Variants in SLC25A28 observed in about 807,000 individuals in gnomAD.
SLC25A28 encodes the protein solute carrier family 25 member 28, also known as mitoferrin-2.
SLC25A28 carries 10 observed loss-of-function variants against 31.9 expected under a neutral mutation model. The ratio of observed to expected loss-of-function variants is 0.31; its 90% CI spans 0.19 to 0.53. The LOEUF is 0.53. Among genes scored for constraint, SLC25A28 ranks in the 20% least tolerant of loss-of-function variants. The pLI is 0.95. For synonymous variants in SLC25A28, 208 were observed against 203.6 expected, an observed-to-expected ratio of 1.02 and a Z score of -0.19; for missense variants, 256 against 490.3, an observed-to-expected ratio of 0.52 and a Z score of 4.51.
chr10:99,650,844 T>C, the SLC25A28 span, among the ~76,000 whole-genome samples: 1 of 152,190 alleles, frequency 6.6e-6, no homozygotes, highest in African/African-American at 2.4e-5. Flanking sequence ...GCTGCAGCCA[T>C]GTCTGTAGAT....
At chr10:99,650,939 T>C in the SLC25A28 span, among the ~76,000 whole-genome samples, 16 of 152,312 alleles carry the variant, frequency 1.1e-4, no homozygotes, top group African/African-American at 3.6e-4. Context: ...GGATTTCTTT[T>C]CTGGAGCAAT....
At chr10:99,635,115 G>A in the SLC25A28 span, among the ~76,000 whole-genome samples, 2 of 152,156 alleles carry the variant, frequency 1.3e-5, no homozygotes, top group African/African-American at 2.4e-5. Context: ...TAGCCACTAC[G>A]AAGTCACCAT....
At position 99,611,036 on chromosome 10, in the gene SLC25A28, C is replaced by T; in HGVS notation, c.908G>A (p.Gly303Glu). 1 of 1,614,130 alleles carries T rather than the reference C, an allele frequency of 6.2e-7. No homozygotes were observed. The highest frequency in any genetic ancestry group is 1.7e-5 in the Admixed American group (1 of 60,006). ...ESLALNSHIT[G>E]HITGMASAFR... is the part of the protein sequence containing the mutation. ...GGCACTAGCCATGCCTGTGATATGT[C>T]CTGTAATGTGTGAGTTCAAAGCCAA... The change falls in exon 4 of 4, where the codon GGA (glycine) becomes GAA (glutamate). Residue 303 changes from glycine to glutamate, a missense_variant. Physicochemically the swap from Gly to Glu is moderately conservative, Grantham distance 98 (BLOSUM62 -2). This residue lies in a region of SLC25A28 where 158 missense variants were observed against 379.1 expected (regional missense o/e 0.42). Transcript: ENST00000370495. The surrounding 1 kb of genome is among the most constrained non-coding windows in gnomAD (Gnocchi z 5.5).
At chr10:99,648,773 C>A in the SLC25A28 span, among the ~76,000 whole-genome samples, 1 of 139,040 alleles carries the variant, frequency 7.2e-6, no homozygotes, top group Non-Finnish European at 1.5e-5. Context: ...TGTATAGAAA[C>A]ACTACTGATT....
chr10:99,618,709 G>T (rs1444144044), intron 1 of SLC25A28: 1 of 985,224 alleles, frequency 1.0e-6, no homozygotes, highest in Non-Finnish European at 1.2e-6. Flanking sequence ...GCCCTTGTTA[G>T]GAGTTACCTT....
chr10:99,624,816 T>C (rs562601522), upstream of SLC25A28, among the ~76,000 whole-genome samples: 5 of 152,192 alleles, frequency 3.3e-5, no homozygotes, highest in East Asian at 5.8e-4. Flanking sequence ...GTCTGGGTGA[T>C]AGAGTGAGAC....
intron 1 of SLC25A28, chr10:99,615,655 G>T (rs1365976117): frequency 4.1e-6 from 4 of 985,226 alleles, no homozygotes; most frequent in Non-Finnish European, 4.8e-6. Context: ...TCCAATAAAG[G>T]GTTTGTTTAC....
the SLC25A28 span, among the ~76,000 whole-genome samples, chr10:99,632,280 T>C: frequency 2.8e-4 from 43 of 152,308 alleles, 2 homozygotes; most frequent in South Asian, 8.3e-3. Flanking sequence ...CTAAAGATTA[T>C]TTAAAGTAGC....
chr10:99,653,583 A>G, the SLC25A28 span, among the ~76,000 whole-genome samples: 1 of 152,220 alleles, frequency 6.6e-6, no homozygotes. Flanking sequence ...GCAACAGATA[A>G]GTAATACAGA....
the SLC25A28 span, among the ~76,000 whole-genome samples, chr10:99,637,171 C>G: frequency 1.3e-5 from 2 of 152,072 alleles, no homozygotes; most frequent in Non-Finnish European, 2.9e-5. Flanking sequence ...ACCACATAAA[C>G]AGAATTAAAA....
At chr10:99,648,105 T>C in the SLC25A28 span, among the ~76,000 whole-genome samples, 2 of 152,072 alleles carry the variant, frequency 1.3e-5, no homozygotes, top group Non-Finnish European at 2.9e-5. Flanking sequence ...CTCAAGCAAT[T>C]CTCATGCCTC....
At chr10:99,656,147 T>TA in the SLC25A28 span, among the ~76,000 whole-genome samples, 8 of 150,870 alleles carry the variant, frequency 5.3e-5, no homozygotes, top group African/African-American at 9.7e-5. Context: ...CAAGATGGGC[T>TA]AAAAAAAAAT....
At chr10:99,617,804 C>T (rs2034692453) in intron 1 of SLC25A28, 1 of 984,802 alleles carries the variant, frequency 1.0e-6, no homozygotes, top group African/African-American at 1.7e-5. Context: ...TCAGGCATAA[C>T]TGCTATGTTG....
chr10:99,635,650 C>A, the SLC25A28 span, among the ~76,000 whole-genome samples: 2 of 147,020 alleles, frequency 1.4e-5, no homozygotes, highest in Non-Finnish European at 3.0e-5. Context: ...TACACTCCAG[C>A]CTAGGCAACA....
chr10:99,640,272 A>C, the SLC25A28 span, among the ~76,000 whole-genome samples: 6 of 152,298 alleles, frequency 3.9e-5, no homozygotes, highest in African/African-American at 1.2e-4. Context: ...CAGATACCTG[A>C]AAGATTGACT....
rs1189669044 is a variant in SLC25A28 at position 99,611,803 on chromosome 10, T to A, written c.578-437A>T. Among the ~76,000 whole-genome samples the A allele has an allele frequency of 6.6e-6, 1 of 152,186 alleles. No homozygotes were observed. The highest frequency in any genetic ancestry group is 2.4e-5 in the African/African-American group (1 of 41,446). On this transcript the variant is annotated intron_variant, in intron 3 of 3. Transcript: ENST00000370495. The surrounding 1 kb of genome is among the most constrained non-coding windows in gnomAD (Gnocchi z 5.5). ...AGCACCTAACTTTTAAAATGTGAGATGGTGATCCTCCTAGAGGGGAGGAGA... is the reference window on the plus strand; with the variant it reads ...AGCACCTAACTTTTAAAATGTGAGAAGGTGATCCTCCTAGAGGGGAGGAGA...
chr10:99,643,751 T>C, the SLC25A28 span, among the ~76,000 whole-genome samples: 2 of 152,182 alleles, frequency 1.3e-5, no homozygotes, highest in Non-Finnish European at 2.9e-5. Flanking sequence ...GTCCCAGAGA[T>C]TCTGGTATGT....
At chr10:99,640,819 G>T in the SLC25A28 span, among the ~76,000 whole-genome samples, 19 of 151,918 alleles carry the variant, frequency 1.3e-4, no homozygotes, top group South Asian at 4.0e-3. Context: ...TGTGGTGTTT[G>T]GTTTTCTGTC....
At chr10:99,639,439 C>T in the SLC25A28 span, among the ~76,000 whole-genome samples, 1 of 151,978 alleles carries the variant, frequency 6.6e-6, no homozygotes, top group Admixed American at 6.6e-5. Flanking sequence ...CACAAAAGAA[C>T]ATATGTAACC....
Sources: gnomAD v4.1 joint callset for allele counts (sites outside exome capture counted in the v4.1 genomes callset) on GRCh38, gnomAD v4.1.1 for gene constraint, gnomAD v4.1.1 regional missense constraint, Gnocchi (gnomAD v3.1) non-coding constraint, MANE v1.5 for transcripts, NCBI Gene and HGNC (gene_info 2026-07-23, HGNC 2026-07-21) for gene names.